HDAC4: variants seen among roughly 807,000 people sequenced by gnomAD.
The protein encoded by HDAC4 is histone deacetylase 4.
In HDAC4, 16 loss-of-function variants were observed where a neutral mutation model predicts 135.1. The observed-to-expected ratio is 0.12, with a 90% confidence interval of 0.08 to 0.18. The LOEUF (loss-of-function observed/expected upper bound fraction) is 0.18, where lower values mean the gene tolerates loss of function less well. Ranked by LOEUF, HDAC4 falls within the 10% of genes least tolerant of loss-of-function variation. The probability of loss-of-function intolerance (pLI) is 1.00; values close to 1 mark genes in which losing one functional copy is unlikely to be tolerated. For synonymous variants in HDAC4, 685 were observed against 653.4 expected, an observed-to-expected ratio of 1.05 and a Z score of -0.74; for missense variants, 1,143 against 1,511.8, an observed-to-expected ratio of 0.76 and a Z score of 4.05.
At chr2:239,398,227 CTA>C (rs1253504320) in intron 1 of HDAC4, among the ~76,000 whole-genome samples, 1 of 152,258 alleles carries the variant, frequency 6.6e-6, no homozygotes, top group Non-Finnish European at 1.5e-5. Flanking sequence ...AGCTTCTGAG[CTA>C]TGAAAGCCCA....
chr2:239,264,867 C>G (rs1455229539), intron 2 of HDAC4, among the ~76,000 whole-genome samples: 4 of 152,238 alleles, frequency 2.6e-5, no homozygotes, highest in Non-Finnish European at 4.4e-5. Flanking sequence ...TTCCGGGGAC[C>G]TGAAGGCCCC....
intron 22 of HDAC4, among the ~76,000 whole-genome samples, chr2:239,075,038 A>G (rs1248482452): frequency 6.6e-6 from 1 of 152,034 alleles, no homozygotes; most frequent in Non-Finnish European, 1.5e-5. Context: ...CCTGGCTAAC[A>G]CGGTGAAACC....
intron 6 of HDAC4, among the ~76,000 whole-genome samples, chr2:239,160,013 T>C (rs2042690225): frequency 6.6e-6 from 1 of 152,252 alleles, no homozygotes; most frequent in Non-Finnish European, 1.5e-5. Flanking sequence ...AACTCAACCA[T>C]TTCAGTTCCA....
At chr2:239,246,717 C>T (rs879858884) in intron 2 of HDAC4, among the ~76,000 whole-genome samples, 8 of 152,232 alleles carry the variant, frequency 5.3e-5, no homozygotes, top group Admixed American at 3.3e-4. Context: ...TAAGACAACA[C>T]GGAGAGACAG....
chr2:239,300,009 C>A (rs553309461), intron 2 of HDAC4, among the ~76,000 whole-genome samples: 64 of 152,330 alleles, frequency 4.2e-4, no homozygotes, highest in African/African-American at 1.4e-3. Context: ...AAGTGCCTTT[C>A]AATCCATGCC....
intron 2 of HDAC4, among the ~76,000 whole-genome samples, chr2:239,348,363 G>A (rs931201777): frequency 2.0e-5 from 3 of 152,212 alleles, no homozygotes; most frequent in African/African-American, 7.2e-5. Flanking sequence ...CTCTAGGCAC[G>A]AACATTCCGG....
intron 3 of HDAC4, among the ~76,000 whole-genome samples, chr2:239,223,746 ACT>A (rs542898009): frequency 7.9e-5 from 12 of 151,626 alleles, no homozygotes; most frequent in Admixed American, 2.0e-4. Context: ...GTGCGCTCAC[ACT>A]CTCTGCCCAG....
At position 239,146,061 on chromosome 2, in the gene HDAC4, G is replaced by C. The variant is rs908714223; in HGVS notation, c.734-1347C>G. 5.3e-5 allele frequency among the ~76,000 whole-genome samples: 8 copies of C among 152,252 alleles called. 1 individual carries two copies. The highest frequency in any genetic ancestry group is 3.4e-3 in the Middle Eastern group (1 of 294). Reference sequence around the variant, plus strand: ...GAGCGAGGCCTCTGTGCTGTGGCACGGGGGACCTGGATGACGACAGATGAC... The same window carrying C: ...GAGCGAGGCCTCTGTGCTGTGGCACCGGGGACCTGGATGACGACAGATGAC... On this transcript the variant is annotated intron_variant, in intron 7 of 26. Coordinates refer to ENST00000543185, the MANE Select transcript of HDAC4 (RefSeq NM_001378414.1). The surrounding 1 kb of genome is among the most constrained non-coding windows in gnomAD (Gnocchi z 4.5).
chr2:239,365,483 C>T (rs1034696656), intron 1 of HDAC4, among the ~76,000 whole-genome samples: 1 of 152,226 alleles, frequency 6.6e-6, no homozygotes, highest in Non-Finnish European at 1.5e-5. Flanking sequence ...CCCTCTGATT[C>T]TGGAACGTTC....
chr2:239,271,293 TA>T (rs1161087182), intron 2 of HDAC4, among the ~76,000 whole-genome samples: 3 of 152,120 alleles, frequency 2.0e-5, no homozygotes, highest in Non-Finnish European at 4.4e-5. Context: ...TTTATACTTT[TA>T]GTAGAGTAGG....
chr2:239,066,763 C>G lies in HDAC4; in HGVS notation c.2962G>C (p.Asp988His), dbSNP rs2106589582. The change falls in exon 24 of 27, where the codon GAC becomes CAC. Residue 988 changes from aspartate (D) to histidine (H), a missense_variant. Physicochemically the swap from Asp to His is moderately conservative, Grantham distance 81 (BLOSUM62 -1). Transcript: ENST00000543185. ...EGGHDLTAIC[D>H]ASEACVSALL... ...GCAGAAACACATGCTTCCGAGGCGT[C>G]GCAAATGGCGGTCAGGTCGTGGCCT... is the stretch of plus-strand genomic sequence containing the variant. The G allele has an allele frequency of 6.2e-7, 1 of 1,613,976 alleles. No homozygotes were observed. Among genetic ancestry groups the G allele is most frequent in the Non-Finnish European group, 8.5e-7 (1 of 1,180,040 alleles).
chr2:239,290,250 C>T (rs1440994801), intron 2 of HDAC4, among the ~76,000 whole-genome samples: 1 of 152,156 alleles, frequency 6.6e-6, no homozygotes, highest in African/African-American at 2.4e-5. Flanking sequence ...TTACCTAGTT[C>T]CCTGTCAGCT....
In HDAC4 at chr2:239,068,236, G is replaced by A. The variant is rs1255278658; in HGVS notation, c.2869+253C>T. Among the ~76,000 whole-genome samples the A allele has an allele frequency of 6.6e-6, 1 of 152,186 alleles. No homozygotes were observed. The highest frequency in any genetic ancestry group is 2.4e-5 in the African/African-American group (1 of 41,452). ...TCCCTAGGCACCCGCATCCCAGAGA[G>A]GGAGCCTCGTGTGCCCTAGGCCCTT... On this transcript the variant is annotated intron_variant, in intron 23 of 26. Coordinates refer to ENST00000543185, the MANE Select transcript of HDAC4 (RefSeq NM_001378414.1). The surrounding 1 kb of genome is among the most constrained non-coding windows in gnomAD (Gnocchi z 4.4).
At chr2:239,380,875 G>C (rs1355804120) in intron 1 of HDAC4, among the ~76,000 whole-genome samples, 1 of 152,142 alleles carries the variant, frequency 6.6e-6, no homozygotes, top group East Asian at 1.9e-4. Context: ...GAAAACGAGG[G>C]ATGCCCGGTT....
chr2:239,090,977 C>T (rs1404775300), intron 17 of HDAC4, among the ~76,000 whole-genome samples: 24 of 152,230 alleles, frequency 1.6e-4, no homozygotes, highest in Admixed American at 1.5e-3. Context: ...CGGGACTGGC[C>T]GTGTGGGCGG....
At position 239,053,483 on chromosome 2, in the gene HDAC4, C is replaced by T; in HGVS notation, c.3207G>A (p.Val1069=). ...ETVTAMASLS[V]GVKPAEKRPD... ...ACCTCTTTTCGGCGGGCTTCACGCC[C>T]ACGGACAGCGAGGCCATGGCGGTGA... Residue 1069 remains valine, a synonymous_variant, in exon 26 of 27, where the codon GTG becomes GTA. Transcript: ENST00000543185. 1.2e-6 allele frequency: 2 copies of T among 1,613,518 alleles called. No homozygotes were observed. The highest frequency in any genetic ancestry group is 1.7e-6 in the Non-Finnish European group (2 of 1,179,826).
chr2:239,156,000 C>T (rs988436464), intron 7 of HDAC4, among the ~76,000 whole-genome samples: 12 of 152,202 alleles, frequency 7.9e-5, no homozygotes, highest in African/African-American at 2.7e-4. Context: ...AAGCCACTGC[C>T]GTGGCCCCTG....
At chr2:239,379,873 C>T (rs1695290004) in intron 1 of HDAC4, among the ~76,000 whole-genome samples, 1 of 152,232 alleles carries the variant, frequency 6.6e-6, no homozygotes, top group African/African-American at 2.4e-5. Flanking sequence ...CCAGGCTCAG[C>T]ACCTGCACGC....
At chr2:239,381,419 T>C (rs935776712) in intron 1 of HDAC4, among the ~76,000 whole-genome samples, 2 of 152,108 alleles carry the variant, frequency 1.3e-5, no homozygotes, top group African/African-American at 2.4e-5. Context: ...CTGAAAGAGA[T>C]GGAGAAATGA....
Sources: gnomAD v4.1 joint callset for allele counts (sites outside exome capture counted in the v4.1 genomes callset) on GRCh38, gnomAD v4.1.1 for gene constraint, Gnocchi (gnomAD v3.1) non-coding constraint, MANE v1.5 for transcripts, NCBI Gene and HGNC (gene_info 2026-07-23, HGNC 2026-07-21) for gene names.